Variants in NCAM1 observed in about 807,000 individuals in gnomAD.
NCAM1 encodes the protein antigen recognized by monoclonal antibody 5.1H11.
In NCAM1, 14 loss-of-function variants were observed where a neutral mutation model predicts 109.8. The observed-to-expected ratio is 0.13, with a 90% CI of 0.08 to 0.20. The LOEUF (loss-of-function observed/expected upper bound fraction) is 0.20, where lower values mean the gene tolerates loss of function less well. NCAM1 is among the 10% of genes least tolerant of loss of function. The probability of loss-of-function intolerance (pLI) is 1.00; values close to 1 mark genes in which losing one functional copy is unlikely to be tolerated. For synonymous variants in NCAM1, 418 were observed against 442.9 expected (o/e 0.94, Z 0.70); for missense variants, 774 against 1,109.9 (o/e 0.70, Z 4.30).
chr11:113,056,088 A>C (rs1370282799), intron 1 of NCAM1, among the ~76,000 whole-genome samples: 2 of 146,468 alleles, frequency 1.4e-5, no homozygotes, highest in African/African-American at 2.5e-5. Context: ...AAAAGAAGGA[A>C]ATCCTGTCAT....
chr11:113,097,171 C>T (rs1215421188), intron 1 of NCAM1, among the ~76,000 whole-genome samples: 1 of 152,210 alleles, frequency 6.6e-6, no homozygotes, highest in Non-Finnish European at 1.5e-5. Context: ...TTGGCTCACT[C>T]TGATTCCAAA....
chr11:112,994,047 A>C (rs1310312394), intron 1 of NCAM1, among the ~76,000 whole-genome samples: 2 of 152,236 alleles, frequency 1.3e-5, no homozygotes, highest in Non-Finnish European at 2.9e-5. Context: ...TTCTTGCCTG[A>C]ATCCAGTTTT....
Position 113,118,683 on chromosome 11 carries a change from A to T in NCAM1, c.53-83696A>T, listed in dbSNP as rs190194970. ...GTCCAGAAAAAAAGTTTCGGTGAAT[A>T]GAATTGACGAATGGGTTCAGAATTG... is the stretch of plus-strand genomic sequence containing the variant. On this transcript the variant is annotated intron_variant, in intron 1 of 19. Transcript: ENST00000316851. Among the ~76,000 whole-genome samples, 82 of 152,094 alleles carry T rather than the reference A, an allele frequency of 5.4e-4. 2 individuals are homozygous for T. Among genetic ancestry groups the T allele is most frequent in the Middle Eastern group, 3.4e-3 (1 of 294 alleles).
rs139975119 is a variant in NCAM1 at position 113,004,216 on chromosome 11, C to T, written c.52+42552C>T. Among the ~76,000 whole-genome samples, 289 of 152,170 alleles carry T rather than the reference C, an allele frequency of 1.9e-3. 1 individual carries two copies. Among genetic ancestry groups the T allele is most frequent in the Non-Finnish European group, 3.4e-3 (232 of 68,014 alleles). On this transcript the variant is annotated intron_variant, in intron 1 of 19. Coordinates refer to ENST00000316851, the MANE Select transcript of NCAM1 (RefSeq NM_181351.5). ...ACACTTAAAAATGTTTTCTTGTGGC[C>T]GGGCGCGGTGGCTCACGCCTGTAAT...
chr11:113,258,656 T>C (rs1237589990), intron 16 of NCAM1, among the ~76,000 whole-genome samples: 1 of 152,230 alleles, frequency 6.6e-6, no homozygotes, highest in Admixed American at 6.5e-5. Flanking sequence ...ACTCAAATGT[T>C]TCTAGCCCAG....
chr11:112,973,809 A>G (rs904030117), intron 1 of NCAM1, among the ~76,000 whole-genome samples: 1 of 152,054 alleles, frequency 6.6e-6, no homozygotes, highest in Non-Finnish European at 1.5e-5. Context: ...CACATTTTCC[A>G]TTTATTTTTC....
intron 1 of NCAM1, among the ~76,000 whole-genome samples, chr11:113,171,943 A>G (rs781798331): frequency 6.6e-6 from 1 of 152,154 alleles, no homozygotes; most frequent in Non-Finnish European, 1.5e-5. Context: ...TGAAAAGGGA[A>G]AATTTGGAGA....
intron 1 of NCAM1, among the ~76,000 whole-genome samples, chr11:113,146,490 G>T (rs954069334): frequency 7.9e-5 from 12 of 152,144 alleles, no homozygotes; most frequent in Admixed American, 2.0e-4. Flanking sequence ...TACAGCTCAG[G>T]AGTGAAAATA....
chr11:113,190,535 G>A (rs1943646258), intron 1 of NCAM1, among the ~76,000 whole-genome samples: 1 of 152,130 alleles, frequency 6.6e-6, no homozygotes. Flanking sequence ...GGCTACTCTG[G>A]GTTCTGAGTT....
At chr11:113,210,763 CT>C (rs1228355800) in intron 7 of NCAM1, among the ~76,000 whole-genome samples, 4 of 143,186 alleles carry the variant, frequency 2.8e-5, no homozygotes, top group Admixed American at 7.2e-5. Flanking sequence ...ACATACACCC[CT>C]CTTCATCACA....
intron 1 of NCAM1, among the ~76,000 whole-genome samples, chr11:113,053,242 C>T (rs1953573977): frequency 6.6e-6 from 1 of 152,166 alleles, no homozygotes; most frequent in African/African-American, 2.4e-5. Flanking sequence ...TGATCTCATT[C>T]CTTTTTTATG....
rs181849273 is a variant in NCAM1, at chr11:113,173,649, C to G, written c.53-28730C>G. Among the ~76,000 whole-genome samples the G allele has an allele frequency of 1.4e-3, 196 of 135,974 alleles. 1 individual carries two copies. The highest frequency in any genetic ancestry group is 8.2e-3 in the Middle Eastern group (2 of 244). The allele number at this position is 135,974 out of a possible 152,430, so 89.2% of individuals were successfully genotyped here. A position where few individuals can be genotyped will look rare whatever the true frequency, so the allele number is the denominator to read the frequency against. On this transcript the variant is annotated intron_variant, in intron 1 of 19. Coordinates refer to ENST00000316851, the MANE Select transcript of NCAM1 (RefSeq NM_181351.5). ...ATATTTTAGAGGGTGCAGGGTATGT[C>G]TGAAAAACCATGGGGATTGGGAGAG...
At chr11:113,138,942 T>C (rs1941711968) in intron 1 of NCAM1, among the ~76,000 whole-genome samples, 1 of 152,198 alleles carries the variant, frequency 6.6e-6, no homozygotes, top group African/African-American at 2.4e-5. Context: ...GGCCCTCCAG[T>C]CTCTGCCTAG....
At chr11:113,270,668 G>A in intron 18 of NCAM1, 1 of 493,170 alleles carries the variant, frequency 2.0e-6, no homozygotes, top group South Asian at 2.6e-5. Flanking sequence ...AGGTCAAAAT[G>A]AGGGAAATTG....
At chr11:113,199,819 G>T (rs1164468621) in intron 1 of NCAM1, among the ~76,000 whole-genome samples, 1 of 76,254 alleles carries the variant, frequency 1.3e-5, no homozygotes, top group Admixed American at 1.4e-4. Flanking sequence ...TAAAGTAAAA[G>T]AAACACCCTT....
chr11:113,273,717 A>T lies in NCAM1; in HGVS notation c.2457-1550A>T. ...TGAGCTTGCTCCTTCCACTGCAGAC[A>T]GCTCTGTTTCGCCTGCGCCAGCAAA... On this transcript the variant is annotated intron_variant, in intron 19 of 19. Transcript: ENST00000316851. The surrounding 1 kb of genome is among the most constrained non-coding windows in gnomAD (Gnocchi z 6.0). 1 of 451,052 alleles carries T rather than the reference A, an allele frequency of 2.2e-6. No homozygotes were observed. 27.9% of individuals were successfully genotyped at this position (451,052 alleles called of 1,614,324 possible).
intron 17 of NCAM1, among the ~76,000 whole-genome samples, chr11:113,267,422 G>A (rs565343988): frequency 6.6e-6 from 1 of 151,738 alleles, no homozygotes; most frequent in East Asian, 1.9e-4. Flanking sequence ...ATTGGCTGGA[G>A]GTGCCACACT....
At chr11:113,158,504 G>A (rs1229208049) in intron 1 of NCAM1, among the ~76,000 whole-genome samples, 2 of 152,182 alleles carry the variant, frequency 1.3e-5, no homozygotes, top group African/African-American at 4.8e-5. Context: ...AGAATTTTAA[G>A]AAGATGTGTA....
At position 113,028,565 on chromosome 11, in the gene NCAM1, C is replaced by A. The variant is rs1952626747; in HGVS notation, c.52+66901C>A. 3.3e-5 allele frequency among the ~76,000 whole-genome samples: 5 copies of A among 152,104 alleles called. No homozygotes were observed. The South Asian group carries it at 1.0e-3, about 31-fold the overall frequency. ...ATGGAAAAAAGGTGTCTATATAATA[C>A]CTTAGTTTCTTTGTCAAATCATGCC... On this transcript the variant is annotated intron_variant, in intron 1 of 19. Coordinates refer to ENST00000316851, the MANE Select transcript of NCAM1 (RefSeq NM_181351.5).
Sources: allele counts gnomAD v4.1 joint callset (sites outside exome capture counted in the v4.1 genomes callset), GRCh38; gene constraint gnomAD v4.1.1; non-coding constraint Gnocchi (gnomAD v3.1); transcripts MANE v1.5; gene names NCBI Gene and HGNC (gene_info 2026-07-23, HGNC 2026-07-21).